MARCHF4: variants seen among roughly 807,000 people sequenced by gnomAD.
MARCHF4 encodes E3 ubiquitin-protein ligase MARCHF4.
A neutral mutation model predicts 43.9 loss-of-function variants in MARCHF4; 14 were observed. That is an observed-to-expected ratio of 0.32 (90% CI 0.21 to 0.50). The LOEUF (loss-of-function observed/expected upper bound fraction) is 0.50, where lower values mean the gene tolerates loss of function less well. Ranked by LOEUF, MARCHF4 falls within the 20% of genes least tolerant of loss-of-function variation. The pLI, the probability that MARCHF4 is intolerant of heterozygous loss-of-function variation, is 0.98. For missense variants in MARCHF4, 468 were observed against 536.7 expected, an observed-to-expected ratio of 0.87 and a Z score of 1.27; for synonymous variants, 226 against 213.3, an observed-to-expected ratio of 1.06 and a Z score of -0.52.
chr2:216,320,736 T>C (rs571979492), intron 1 of MARCHF4, among the ~76,000 whole-genome samples: 1 of 149,266 alleles, frequency 6.7e-6, no homozygotes, highest in East Asian at 2.0e-4. Context: ...AATGGCGCGA[T>C]CTCGGCTCAC....
chr2:216,316,897 T>C (rs1379629402), intron 1 of MARCHF4, among the ~76,000 whole-genome samples: 1 of 152,138 alleles, frequency 6.6e-6, no homozygotes, highest in African/African-American at 2.4e-5. Flanking sequence ...ATCAGAGGAC[T>C]CCAAGGGGGA....
At chr2:216,262,144 A>T (rs1240498146) in intron 3 of MARCHF4, among the ~76,000 whole-genome samples, 2 of 152,190 alleles carry the variant, frequency 1.3e-5, no homozygotes, top group African/African-American at 2.4e-5. Context: ...AGTGTTAAAG[A>T]TTTGTGGAGA....
chr2:216,300,891 A>G (rs1691483371), intron 1 of MARCHF4, among the ~76,000 whole-genome samples: 2 of 152,126 alleles, frequency 1.3e-5, no homozygotes, highest in African/African-American at 4.8e-5. Flanking sequence ...TGGGTCCACT[A>G]CCACAAATGA....
At chr2:216,341,768 T>C (rs1692240677) in intron 1 of MARCHF4, among the ~76,000 whole-genome samples, 1 of 152,050 alleles carries the variant, frequency 6.6e-6, no homozygotes, top group South Asian at 2.1e-4. Context: ...TCCCAGGGTC[T>C]CCCCTACTGG....
intron 1 of MARCHF4, among the ~76,000 whole-genome samples, chr2:216,363,196 A>G (rs1692614031): frequency 6.6e-6 from 1 of 152,128 alleles, no homozygotes; most frequent in African/African-American, 2.4e-5. Context: ...TAACTTTCTC[A>G]ATGGGGGCCT....
At chr2:216,307,420 G>A (rs1427598195) in intron 1 of MARCHF4, among the ~76,000 whole-genome samples, 1 of 152,108 alleles carries the variant, frequency 6.6e-6, no homozygotes, top group Non-Finnish European at 1.5e-5. Flanking sequence ...TTAAACCCTT[G>A]CTAGGCATTA....
intron 3 of MARCHF4, among the ~76,000 whole-genome samples, chr2:216,271,223 C>T (rs1690930311): frequency 6.6e-6 from 1 of 152,198 alleles, no homozygotes; most frequent in African/African-American, 2.4e-5. Flanking sequence ...TGACTATTTG[C>T]ATTGAGCCAT....
chr2:216,286,869 C>T (rs1191380358), intron 1 of MARCHF4, among the ~76,000 whole-genome samples: 6 of 152,212 alleles, frequency 3.9e-5, no homozygotes, highest in Admixed American at 2.6e-4. Context: ...CTTAGGAAGA[C>T]GCTCTTTGCA....
intron 3 of MARCHF4, among the ~76,000 whole-genome samples, chr2:216,268,668 A>G (rs1690885365): frequency 6.6e-6 from 1 of 152,222 alleles, no homozygotes; most frequent in Admixed American, 6.5e-5. Flanking sequence ...TAGCAGTGTG[A>G]AAATGGACTA....
intron 1 of MARCHF4, among the ~76,000 whole-genome samples, chr2:216,310,035 A>G (rs989984822): frequency 2.0e-5 from 3 of 152,224 alleles, no homozygotes; most frequent in Non-Finnish European, 1.5e-5. Context: ...TGACAAACTA[A>G]TAACTCTAGG....
intron 1 of MARCHF4, among the ~76,000 whole-genome samples, chr2:216,295,038 C>A (rs1691369224): frequency 6.6e-6 from 1 of 152,152 alleles, no homozygotes; most frequent in African/African-American, 2.4e-5. Context: ...GTAGCTCACG[C>A]CTTTGAACAT....
intron 1 of MARCHF4, among the ~76,000 whole-genome samples, chr2:216,295,914 G>C (rs529512247): frequency 2.0e-5 from 3 of 152,226 alleles, no homozygotes; most frequent in Non-Finnish European, 4.4e-5. Context: ...GTGGGAGGCC[G>C]AGGCAGGTGG....
At chr2:216,293,123 C>T (rs1164707417) in intron 1 of MARCHF4, among the ~76,000 whole-genome samples, 1 of 152,210 alleles carries the variant, frequency 6.6e-6, no homozygotes, top group African/African-American at 2.4e-5. Flanking sequence ...GAATTCTCCT[C>T]ATGTGGTGTC....
chr2:216,281,124 A>C (rs1285694051), intron 2 of MARCHF4, among the ~76,000 whole-genome samples: 2 of 140,772 alleles, frequency 1.4e-5, no homozygotes, highest in Non-Finnish European at 3.0e-5. Flanking sequence ...GGAGTGGTGC[A>C]CTGGCATAAT....
At chr2:216,291,335 T>G (rs1042436037) in intron 1 of MARCHF4, among the ~76,000 whole-genome samples, 3 of 152,180 alleles carry the variant, frequency 2.0e-5, no homozygotes, top group Non-Finnish European at 4.4e-5. Context: ...TCTGGTTTCT[T>G]CTATTTTCTT....
At chr2:216,360,821 T>G (rs575841648) in intron 1 of MARCHF4, among the ~76,000 whole-genome samples, 1 of 152,248 alleles carries the variant, frequency 6.6e-6, no homozygotes, top group Admixed American at 6.5e-5. Context: ...GGTGGGATTT[T>G]TTTTGCTTTT....
chr2:216,284,005 C>T (rs1559089413), intron 1 of MARCHF4, among the ~76,000 whole-genome samples: 2 of 152,166 alleles, frequency 1.3e-5, no homozygotes, highest in African/African-American at 2.4e-5. Flanking sequence ...CGAACATGAG[C>T]GGGCTGGTTT....
At chr2:216,356,555 C>G (rs1345589889) in intron 1 of MARCHF4, among the ~76,000 whole-genome samples, 1 of 152,154 alleles carries the variant, frequency 6.6e-6, no homozygotes, top group Non-Finnish European at 1.5e-5. Context: ...AGCCACACAG[C>G]TAGTAAATGC....
chr2:216,288,779 G>A (rs1360191855), intron 1 of MARCHF4, among the ~76,000 whole-genome samples: 2 of 152,090 alleles, frequency 1.3e-5, no homozygotes, highest in Non-Finnish European at 2.9e-5. Context: ...TGCAGTGGGA[G>A]ACAATAATAT....
Sources: allele counts gnomAD v4.1 joint callset (sites outside exome capture counted in the v4.1 genomes callset), GRCh38; gene constraint gnomAD v4.1.1; transcripts MANE v1.5; gene names NCBI Gene and HGNC (gene_info 2026-07-23, HGNC 2026-07-21).